Variants in PCDH7 observed in about 807,000 individuals in gnomAD.
The protein encoded by PCDH7 is protocadherin-7.
A neutral mutation model predicts 58.9 loss-of-function variants in PCDH7; 17 were observed. That is an observed-to-expected ratio of 0.29 (90% CI 0.20 to 0.43). The LOEUF is 0.43. PCDH7 is among the 20% of genes least tolerant of loss of function. The probability of loss-of-function intolerance (pLI) is 1.00; values close to 1 mark genes in which losing one functional copy is unlikely to be tolerated. For synonymous variants in PCDH7, 664 were observed against 616.4 expected, an observed-to-expected ratio of 1.08 and a Z score of -1.14; for missense variants, 1,274 against 1,441.0, an observed-to-expected ratio of 0.88 and a Z score of 1.88.
intron 3 of PCDH7, among the ~76,000 whole-genome samples, chr4:31,008,372 G>A (rs1334051615): frequency 6.6e-6 from 1 of 152,014 alleles, no homozygotes; most frequent in East Asian, 1.9e-4. Flanking sequence ...CGTAAAAATA[G>A]ACTTATTTTA....
chr4:30,988,344 T>C (rs1347165515), intron 3 of PCDH7, among the ~76,000 whole-genome samples: 1 of 152,200 alleles, frequency 6.6e-6, no homozygotes, highest in Non-Finnish European at 1.5e-5. Context: ...TTGTAATATA[T>C]TAGTTAGATA....
At chr4:30,805,656 C>G (rs1238205872) in intron 1 of PCDH7, among the ~76,000 whole-genome samples, 1 of 152,170 alleles carries the variant, frequency 6.6e-6, no homozygotes, top group Non-Finnish European at 1.5e-5. Context: ...GACATCCAAC[C>G]AGTTGGTTTA....
intron 2 of PCDH7, among the ~76,000 whole-genome samples, chr4:30,926,890 T>C (rs1174742131): frequency 6.6e-6 from 1 of 152,218 alleles, no homozygotes; most frequent in Non-Finnish European, 1.5e-5. Flanking sequence ...CAGGGAAAAT[T>C]AGCTGAAAAT....
chr4:31,141,420 C>T (rs1720238554), intron 3 of PCDH7, among the ~76,000 whole-genome samples: 1 of 152,098 alleles, frequency 6.6e-6, no homozygotes, highest in African/African-American at 2.4e-5. Flanking sequence ...TAAATAAAAC[C>T]CTTCAGGTTA....
intron 1 of PCDH7, among the ~76,000 whole-genome samples, chr4:30,759,732 A>G (rs1348562339): frequency 2.0e-5 from 3 of 152,192 alleles, no homozygotes; most frequent in Non-Finnish European, 4.4e-5. Context: ...TCATTAAATG[A>G]AAGATTCATA....
intron 2 of PCDH7, among the ~76,000 whole-genome samples, chr4:30,931,714 A>T (rs1395196808): frequency 6.6e-6 from 1 of 151,982 alleles, no homozygotes; most frequent in Non-Finnish European, 1.5e-5. Flanking sequence ...CTTCTTTCTC[A>T]GGTCACCAAG....
chr4:30,874,482 T>C (rs1329411159), intron 1 of PCDH7, among the ~76,000 whole-genome samples: 3 of 150,816 alleles, frequency 2.0e-5, no homozygotes, highest in Non-Finnish European at 4.4e-5. Flanking sequence ...TAGGTGGGAA[T>C]TGAACAATGA....
chr4:31,071,537 G>T (rs562987961), intron 3 of PCDH7, among the ~76,000 whole-genome samples: 1 of 151,980 alleles, frequency 6.6e-6, no homozygotes, highest in African/African-American at 2.4e-5. Context: ...AGAGTTGAAG[G>T]TTTTAGTAAA....
chr4:30,948,041 T>A (rs1746920409), intron 2 of PCDH7, among the ~76,000 whole-genome samples: 2 of 151,844 alleles, frequency 1.3e-5, no homozygotes, highest in Admixed American at 1.3e-4. Context: ...TTGTTTTGGT[T>A]ATTTATAAAC....
At chr4:31,044,436 T>C (rs1032376135) in intron 3 of PCDH7, among the ~76,000 whole-genome samples, 17 of 152,094 alleles carry the variant, frequency 1.1e-4, no homozygotes, top group African/African-American at 3.9e-4. Flanking sequence ...CTTTCTCCCT[T>C]TTCATTTTTT....
chr4:31,021,509 G>A (rs1028921948), intron 3 of PCDH7, among the ~76,000 whole-genome samples: 2 of 152,138 alleles, frequency 1.3e-5, no homozygotes, highest in African/African-American at 4.8e-5. Context: ...CAGAATTTTA[G>A]TGCTTTAACC....
chr4:30,968,937 A>G (rs753246227), intron 3 of PCDH7, among the ~76,000 whole-genome samples: 25 of 152,148 alleles, frequency 1.6e-4, no homozygotes, highest in Non-Finnish European at 2.8e-4. Context: ...ATTAACCTCC[A>G]CAAACATTAT....
downstream of PCDH7, among the ~76,000 whole-genome samples, chr4:30,737,032 T>A (rs1716401839): frequency 6.6e-6 from 1 of 152,154 alleles, no homozygotes; most frequent in African/African-American, 2.4e-5. Flanking sequence ...ACTGGTTTAC[T>A]CCTCAAAGGT....
At chr4:31,007,027 A>G (rs1460319702) in intron 3 of PCDH7, among the ~76,000 whole-genome samples, 1 of 152,188 alleles carries the variant, frequency 6.6e-6, no homozygotes, top group Non-Finnish European at 1.5e-5. Context: ...CCATCTAGGG[A>G]AAAATTACCA....
At chr4:30,999,003 A>G (rs527451995) in intron 3 of PCDH7, among the ~76,000 whole-genome samples, 6 of 152,264 alleles carry the variant, frequency 3.9e-5, no homozygotes, top group African/African-American at 1.4e-4. Context: ...TAATGTTTGT[A>G]GCTTTCCTTT....
At chr4:31,139,592 A>T (rs554787367) in intron 3 of PCDH7, among the ~76,000 whole-genome samples, 2 of 152,346 alleles carry the variant, frequency 1.3e-5, no homozygotes, top group Admixed American at 6.5e-5. Context: ...TGTTGAAAAA[A>T]TTCATAATAT....
intron 3 of PCDH7, among the ~76,000 whole-genome samples, chr4:31,117,938 T>C (rs16867986): frequency 0.033 from 5,064 of 152,304 alleles, 122 homozygotes; most frequent in South Asian, 0.092. Context: ...TTTGTTTTTA[T>C]CACTCCTGGA....
intron 2 of PCDH7, among the ~76,000 whole-genome samples, chr4:30,924,866 C>G (rs796960536): frequency 3.2e-4 from 49 of 150,904 alleles, no homozygotes; most frequent in African/African-American, 1.1e-3. Flanking sequence ...GGTAGACTTT[C>G]TTAAATATCA....
intron 3 of PCDH7, among the ~76,000 whole-genome samples, chr4:31,113,222 T>A (rs61794134): frequency 0.03 from 4,632 of 152,300 alleles, 170 homozygotes; most frequent in East Asian, 0.18. Flanking sequence ...ATACCTGTCA[T>A]TGCCCATAAT....
Sources: allele counts gnomAD v4.1 joint callset (sites outside exome capture counted in the v4.1 genomes callset), GRCh38; gene constraint gnomAD v4.1.1; transcripts MANE v1.5; gene names NCBI Gene and HGNC (gene_info 2026-07-23, HGNC 2026-07-21).